Variants in RANBP2 observed in about 807,000 individuals in gnomAD.
RANBP2 encodes the protein RAN binding protein 2, also known as E3 SUMO-protein ligase RanBP2.
Under a neutral mutation model 303.6 loss-of-function variants are expected in RANBP2, and 57 were observed. The observed-to-expected ratio is 0.19, with a 90% CI of 0.15 to 0.23. RANBP2 has a LOEUF of 0.23. Ranked by LOEUF, RANBP2 falls within the 10% of genes least tolerant of loss-of-function variation. The pLI is 1.00. For missense variants in RANBP2, 3,138 were observed against 3,780.8 expected (o/e 0.83, Z 4.46); for synonymous variants, 1,167 against 1,301.5 (o/e 0.90, Z 2.23).
the RANBP2 span, among the ~76,000 whole-genome samples, chr2:109,369,525 G>C: frequency 6.6e-6 from 1 of 152,184 alleles, no homozygotes; most frequent in Non-Finnish European, 1.5e-5. Flanking sequence ...GGAAAAAGTG[G>C]CATTGTAAAG....
the RANBP2 span, among the ~76,000 whole-genome samples, chr2:109,144,597 T>G: frequency 1.3e-5 from 2 of 152,258 alleles, no homozygotes; most frequent in African/African-American, 2.4e-5. Flanking sequence ...CTTTGTTTGA[T>G]TTTTAAACCT....
In RANBP2 at chr2:108,784,186, A is replaced by C; in HGVS notation, c.*285A>C. On this transcript the variant is annotated 3_prime_UTR_variant, in exon 29 of 29. Coordinates refer to ENST00000283195, the MANE Select transcript of RANBP2 (RefSeq NM_006267.5). ...ATCTTGTTAAAAGCAATAGACCTCA[A>C]ACTATTGAAGGAATATGATATATGC... The C allele has an allele frequency of 3.1e-6, 1 of 319,520 alleles. No homozygotes were observed. Among genetic ancestry groups the C allele is most frequent in the Non-Finnish European group, 5.8e-6 (1 of 171,932 alleles). 19.8% of individuals were successfully genotyped at this position (319,520 alleles called of 1,614,324 possible).
chr2:109,028,397 AG>A, the RANBP2 span, among the ~76,000 whole-genome samples: 1 of 152,220 alleles, frequency 6.6e-6, no homozygotes. Flanking sequence ...CCTCCACTGA[AG>A]GAAGAGCCTT....
At chr2:109,585,297 G>A in the RANBP2 span, 3 of 1,603,720 alleles carry the variant, frequency 1.9e-6, no homozygotes, top group Non-Finnish European at 1.7e-6. Context: ...GTCAATCAGT[G>A]TTGATTTTCC....
At chr2:108,746,432 A>AGGC (rs1696527595) in intron 7 of RANBP2, among the ~76,000 whole-genome samples, 1 of 145,174 alleles carries the variant, frequency 6.9e-6, no homozygotes, top group Non-Finnish European at 1.5e-5. Flanking sequence ...CATGTTGGCC[A>AGGC]GGCTGGTCTC....
the RANBP2 span, among the ~76,000 whole-genome samples, chr2:108,891,113 T>G: frequency 6.6e-6 from 1 of 152,232 alleles, no homozygotes; most frequent in African/African-American, 2.4e-5. Flanking sequence ...CTCTTGTATA[T>G]CACTGAGCTC....
At chr2:108,789,880 A>G (rs1160419565), downstream of RANBP2, among the ~76,000 whole-genome samples, 1 of 152,230 alleles carries the variant, frequency 6.6e-6, no homozygotes, top group African/African-American at 2.4e-5. Flanking sequence ...ATTTAATGCT[A>G]AAAATATGTG....
chr2:109,096,402 G>A, the RANBP2 span, among the ~76,000 whole-genome samples: 1 of 152,150 alleles, frequency 6.6e-6, no homozygotes, highest in Admixed American at 6.5e-5. Flanking sequence ...ATTATTGTGT[G>A]CCACAGAAGT....
At chr2:109,177,296 A>G in the RANBP2 span, among the ~76,000 whole-genome samples, 1 of 152,172 alleles carries the variant, frequency 6.6e-6, no homozygotes, top group African/African-American at 2.4e-5. Context: ...GAAGGAGCCC[A>G]ATGCATGGTG....
the RANBP2 span, among the ~76,000 whole-genome samples, chr2:108,805,598 G>T: frequency 2.0e-5 from 3 of 151,964 alleles, no homozygotes; most frequent in Non-Finnish European, 4.4e-5. Context: ...GTGATGGCGG[G>T]CGCCTGTAGT....
At chr2:108,780,026 T>C (rs183949544) in intron 25 of RANBP2, among the ~76,000 whole-genome samples, 209 of 152,232 alleles carry the variant, frequency 1.4e-3, no homozygotes, top group African/African-American at 3.2e-3. Flanking sequence ...TAGAAGTAGG[T>C]AAAAAGAACC....
At chr2:108,803,539 A>G in the RANBP2 span, among the ~76,000 whole-genome samples, 1 of 152,162 alleles carries the variant, frequency 6.6e-6, no homozygotes, top group Non-Finnish European at 1.5e-5. Context: ...CTGCACCCTC[A>G]AGTCATCTTC....
At chr2:109,181,797 C>G in the RANBP2 span, among the ~76,000 whole-genome samples, 2 of 152,220 alleles carry the variant, frequency 1.3e-5, no homozygotes, top group Non-Finnish European at 2.9e-5. Context: ...TCTGAGCATA[C>G]TTCATCCATG....
chr2:109,163,748 G>C, the RANBP2 span, among the ~76,000 whole-genome samples: 1 of 152,252 alleles, frequency 6.6e-6, no homozygotes, highest in East Asian at 1.9e-4. Context: ...TGAGTAACTG[G>C]AATCGCCATC....
At chr2:108,829,924 A>G in the RANBP2 span, among the ~76,000 whole-genome samples, 1 of 152,196 alleles carries the variant, frequency 6.6e-6, no homozygotes, top group Non-Finnish European at 1.5e-5. Flanking sequence ...TTCTGGATAT[A>G]TATTCAAAAT....
chr2:109,499,622 C>T, the RANBP2 span, among the ~76,000 whole-genome samples: 1 of 152,138 alleles, frequency 6.6e-6, no homozygotes, highest in African/African-American at 2.4e-5. Flanking sequence ...GCATAAGGGC[C>T]GAGGGCACAA....
the RANBP2 span, among the ~76,000 whole-genome samples, chr2:109,675,283 G>A: frequency 2.6e-5 from 4 of 152,236 alleles, no homozygotes; most frequent in African/African-American, 9.6e-5. Flanking sequence ...AAAGTGCAAA[G>A]TTCTCAGACC....
the RANBP2 span, among the ~76,000 whole-genome samples, chr2:109,385,517 G>C: frequency 6.6e-6 from 1 of 152,222 alleles, no homozygotes; most frequent in Non-Finnish European, 1.5e-5. Context: ...GGTTTCATTC[G>C]ATGTGAAGGA....
At chr2:109,023,594 G>A in the RANBP2 span, among the ~76,000 whole-genome samples, 1 of 152,096 alleles carries the variant, frequency 6.6e-6, no homozygotes, top group Non-Finnish European at 1.5e-5. Context: ...CTTGAGGCTA[G>A]GAATTTGAGA....
Sources: gnomAD v4.1 joint callset for allele counts (sites outside exome capture counted in the v4.1 genomes callset) on GRCh38, gnomAD v4.1.1 for gene constraint, MANE v1.5 for transcripts, NCBI Gene and HGNC (gene_info 2026-07-23, HGNC 2026-07-21) for gene names.